Variants in MAOB observed in about 807,000 individuals in gnomAD.
MAOB encodes amine oxidase [flavin-containing] B.
In MAOB, 15 loss-of-function variants were observed where a neutral mutation model predicts 41.9. That is an observed-to-expected ratio of 0.36 (90% CI 0.24 to 0.55). The LOEUF is 0.55. MAOB is among the 20% of genes least tolerant of loss of function. The probability of loss-of-function intolerance (pLI) is 0.86; values close to 1 mark genes in which losing one functional copy is unlikely to be tolerated. For synonymous variants in MAOB, 167 were observed against 144.2 expected, an observed-to-expected ratio of 1.16 and a Z score of -1.13; for missense variants, 345 against 398.7, an observed-to-expected ratio of 0.87 and a Z score of 1.15.
At chrX:43,848,014 A>T (rs760419799) in intron 1 of MAOB, among the ~76,000 whole-genome samples, 3 of 112,646 alleles carry the variant, frequency 2.7e-5, no homozygotes, top group African/African-American at 9.7e-5. Flanking sequence ...CATAAAAGTG[A>T]TGACAATCTC....
intron 3 of MAOB, among the ~76,000 whole-genome samples, chrX:43,823,730 G>A (rs930290238): frequency 9.0e-6 from 1 of 111,315 alleles, no homozygotes. Context: ...TCTTGACATT[G>A]TGTTCAGTTA....
rs1321233188 is a variant in MAOB, at chrX:43,773,124, C to T, written c.1235+2051G>A. 2.7e-5 allele frequency among the ~76,000 whole-genome samples: 3 copies of T among 112,300 alleles called. No homozygotes were observed. The East Asian group carries it at 8.4e-4, about 31-fold the overall frequency. ...AAACCTGTGGGATCCTAGCGTTTTC[C>T]TCATGCCATTCCATCTGCATAGACT... is the stretch of plus-strand genomic sequence containing the variant. On this transcript the variant is annotated intron_variant, in intron 12 of 14. Coordinates refer to ENST00000378069, the MANE Select transcript of MAOB (RefSeq NM_000898.5).
intron 3 of MAOB, among the ~76,000 whole-genome samples, chrX:43,830,538 C>G (rs1569224639): frequency 8.9e-6 from 1 of 112,156 alleles, no homozygotes; most frequent in African/African-American, 3.2e-5. Flanking sequence ...CCAAATGCTT[C>G]TCTCCTAGCC....
chrX:43,781,646 C>A, intron 8 of MAOB, 102 bp from the exon 9 acceptor site: 1 of 415,339 alleles, frequency 2.4e-6, no homozygotes, highest in South Asian at 5.8e-5. Flanking sequence ...AGCCCAAAGG[C>A]CAAATAAAGC....
At position 43,780,400 on chromosome X, in the gene MAOB, AG is replaced by A. The variant is rs1293566567; in HGVS notation, c.1026-6del. ...GCTTTGTGGGCCAGGATAAATCTAA[AG>A]AATATAAACAAGAAAAAGGGGAGAA... is the stretch of plus-strand genomic sequence containing the variant. On this transcript the variant is annotated splice_region_variant and splice_polypyrimidine_tract_variant and intron_variant, in intron 9 of 14. Coordinates refer to ENST00000378069, the MANE Select transcript of MAOB (RefSeq NM_000898.5). The A allele has an allele frequency of 3.4e-6, 4 of 1,187,169 alleles. No individual in the cohort carries two copies. The highest frequency in any genetic ancestry group is 4.4e-5 in the Admixed American group (2 of 45,844).
chrX:43,869,314 A>G (rs1022935981), intron 1 of MAOB, among the ~76,000 whole-genome samples: 1 of 111,577 alleles, frequency 9.0e-6, no homozygotes, highest in African/African-American at 3.3e-5. Flanking sequence ...ACTTTTTTCT[A>G]TGCTTTTCTA....
chrX:43,791,523 C>T (rs933203751), intron 8 of MAOB, among the ~76,000 whole-genome samples: 13 of 111,314 alleles, frequency 1.2e-4, no homozygotes, highest in Non-Finnish European at 2.1e-4. Context: ...TTTGGGAGGC[C>T]GAGGCAGGTG....
At chrX:43,843,931 G>A (rs1281879447) in intron 1 of MAOB, 167 bp from the exon 2 acceptor site, 10 of 980,847 alleles carry the variant, frequency 1.0e-5, no homozygotes, top group Non-Finnish European at 1.3e-5. Context: ...AGAGTCTGAT[G>A]TTTCTGGAAA....
At chrX:43,776,847 G>A (rs1394408630) in intron 11 of MAOB, among the ~76,000 whole-genome samples, 2 of 100,251 alleles carry the variant, frequency 2.0e-5, no homozygotes, top group Non-Finnish European at 4.0e-5. Context: ...ACCTATGAGT[G>A]AGAACATGCA....
chrX:43,783,335 A>G (rs1030573171), intron 8 of MAOB, among the ~76,000 whole-genome samples: 3 of 112,019 alleles, frequency 2.7e-5, no homozygotes, highest in African/African-American at 9.7e-5. Flanking sequence ...TCCCCTGTCA[A>G]GAACAACTTG....
intron 3 of MAOB, among the ~76,000 whole-genome samples, chrX:43,824,436 C>T (rs1349840807): frequency 8.9e-6 from 1 of 112,267 alleles, no homozygotes; most frequent in Non-Finnish European, 1.9e-5. Context: ...GTAATTCTAG[C>T]ACTTTGGGAA....
intron 1 of MAOB, among the ~76,000 whole-genome samples, chrX:43,857,815 G>A (rs2035308439): frequency 8.9e-6 from 1 of 111,969 alleles, no homozygotes; most frequent in Admixed American, 9.4e-5. Context: ...GTCCCAGGGA[G>A]CTGAATAGAA....
At chrX:43,818,698 A>T in intron 3 of MAOB, among the ~76,000 whole-genome samples, 1 of 112,844 alleles carries the variant, frequency 8.9e-6, no homozygotes, top group Non-Finnish European at 1.9e-5. Context: ...CAGACCCAGG[A>T]GAAATCTAGG....
intron 11 of MAOB, among the ~76,000 whole-genome samples, chrX:43,777,185 A>C (rs917908704): frequency 4.2e-4 from 47 of 111,695 alleles, no homozygotes; most frequent in Non-Finnish European, 4.7e-4. Flanking sequence ...TTGACCCAGC[A>C]ATCCCATTAC....
intron 1 of MAOB, among the ~76,000 whole-genome samples, chrX:43,859,304 T>C (rs999706158): frequency 8.9e-5 from 10 of 111,765 alleles, no homozygotes; most frequent in African/African-American, 1.3e-4. Context: ...TATCTTTTGC[T>C]TAATCATCAT....
At chrX:43,880,840 G>T (rs1415449992) in intron 1 of MAOB, among the ~76,000 whole-genome samples, 1 of 112,095 alleles carries the variant, frequency 8.9e-6, no homozygotes, top group Non-Finnish European at 1.9e-5. Flanking sequence ...TGACTTCGGG[G>T]GCCTGAAAAG....
At position 43,782,113 on chromosome X, in the gene MAOB, G is replaced by A. The variant is rs190695356; in HGVS notation, c.929-569C>T. Among the ~76,000 whole-genome samples, 75 of 111,053 alleles carry A rather than the reference G, an allele frequency of 6.8e-4. No homozygotes were observed. In the East Asian group the frequency reaches 0.013, roughly 19 times the overall value. ...CAAGAGCAAACAAATTCAAAAGCTA[G>A]CAGAAGACAAGAAATAACTAAGATC... On this transcript the variant is annotated intron_variant, in intron 8 of 14. Coordinates refer to ENST00000378069, the MANE Select transcript of MAOB (RefSeq NM_000898.5).
chrX:43,794,329 G>A (rs1019674636), intron 7 of MAOB, among the ~76,000 whole-genome samples: 2 of 110,892 alleles, frequency 1.8e-5, no homozygotes, highest in Non-Finnish European at 3.8e-5. Context: ...CCTTCTCAGT[G>A]AGGCCTTCCC....
At chrX:43,806,235 C>T (rs774858439) in intron 3 of MAOB, among the ~76,000 whole-genome samples, 5 of 111,660 alleles carry the variant, frequency 4.5e-5, no homozygotes, top group Non-Finnish European at 9.4e-5. Flanking sequence ...CATCCTTTTT[C>T]TGTTGCAGGA....
Sources: gnomAD v4.1 joint callset for allele counts (sites outside exome capture counted in the v4.1 genomes callset) on GRCh38, gnomAD v4.1.1 for gene constraint, MANE v1.5 for transcripts, NCBI Gene and HGNC (gene_info 2026-07-23, HGNC 2026-07-21) for gene names.